Variants in TBC1D2B observed in about 807,000 individuals in gnomAD.
TBC1D2B encodes the protein TBC1 domain family, member 2B.
In TBC1D2B, 64 loss-of-function variants were observed where a neutral mutation model predicts 100.8. That is an observed-to-expected ratio of 0.64 (90% CI 0.52 to 0.78). The LOEUF (loss-of-function observed/expected upper bound fraction) is 0.78. TBC1D2B is among the 30% of genes least tolerant of loss of function. TBC1D2B has a pLI of 0.00. For missense variants in TBC1D2B, 1,052 were observed against 1,218.4 expected (o/e 0.86, Z 2.03); for synonymous variants, 480 against 479.7 (o/e 1.00, Z -0.01).
In TBC1D2B at chr15:77,995,397, G is replaced by A. The variant is rs184116428; in HGVS notation, c.*2763C>T. On this transcript the variant is annotated 3_prime_UTR_variant, in exon 13 of 13. Coordinates refer to ENST00000300584, the MANE Select transcript of TBC1D2B (RefSeq NM_144572.2). ...GCGGCTACTGTACAGCTGTCAGCAT[G>A]ACTACAGGCAGCGCCCGAGGCTATC... The A allele has an allele frequency of 2.6e-5, 4 of 152,508 alleles. No individual in the cohort carries two copies. Among genetic ancestry groups the A allele is most frequent in the Admixed American group, 1.3e-4 (2 of 15,308 alleles). 9.4% of individuals were successfully genotyped at this position (152,508 alleles called of 1,614,324 possible). A position where few individuals can be genotyped will look rare whatever the true frequency, so the allele number is the denominator to read the frequency against.
At position 78,014,846 on chromosome 15, in the gene TBC1D2B, A is replaced by G. The variant is rs374964390; in HGVS notation, c.1776-1529T>C. 2.6e-5 allele frequency among the ~76,000 whole-genome samples: 4 copies of G among 152,364 alleles called. No homozygotes were observed. In the East Asian group the frequency reaches 5.8e-4, roughly 22 times the overall value. ...AGTATGTAAAAAGGTATCATCAGTC[A>G]GAAATACACACTGAAGTATTTTACA... is the stretch of plus-strand genomic sequence containing the variant. On this transcript the variant is annotated intron_variant, in intron 8 of 12. Transcript: ENST00000300584.
chr15:78,033,901 A>G (rs992085164), intron 3 of TBC1D2B, among the ~76,000 whole-genome samples: 2 of 152,270 alleles, frequency 1.3e-5, no homozygotes, highest in African/African-American at 4.8e-5. Flanking sequence ...GAGAAATTAT[A>G]TAACACGCTT....
At chr15:78,001,483 G>A in intron 12 of TBC1D2B, 136 bp downstream of exon 12, 1 of 1,105,374 alleles carries the variant, frequency 9.0e-7, no homozygotes, top group Non-Finnish European at 1.2e-6. Flanking sequence ...TCTTTTCCCT[G>A]GAAAGCAATG....
At chr15:78,076,272 T>C (rs2073827608) in intron 1 of TBC1D2B, among the ~76,000 whole-genome samples, 1 of 152,074 alleles carries the variant, frequency 6.6e-6, no homozygotes, top group Admixed American at 6.5e-5. Context: ...TAAGGGAGCC[T>C]CAAAGGAGCA....
At chr15:78,055,974 C>T (rs559928706) in intron 1 of TBC1D2B, among the ~76,000 whole-genome samples, 9 of 152,270 alleles carry the variant, frequency 5.9e-5, no homozygotes, top group African/African-American at 2.2e-4. Context: ...CAGCAAAGGA[C>T]AAGGTACTCA....
rs1259472074 is a variant in TBC1D2B at position 77,998,128 on chromosome 15, TGAAG to T, written c.*28_*31del. Reference sequence around the variant, plus strand: ...TCACCCTTTGGGCACACTTTGGTTGTGAAGGAAGGAAGAGCAGCATCCCGAGCCC... The same window carrying T: ...TCACCCTTTGGGCACACTTTGGTTGTGAAGGAAGAGCAGCATCCCGAGCCC... On this transcript the variant is annotated 3_prime_UTR_variant, in exon 13 of 13. Coordinates refer to ENST00000300584, the MANE Select transcript of TBC1D2B (RefSeq NM_144572.2). 4.7e-6 allele frequency: 7 copies of T among 1,481,142 alleles called. No homozygotes were observed. The highest frequency in any genetic ancestry group is 5.4e-6 in the Non-Finnish European group (6 of 1,110,388). 91.7% of individuals were successfully genotyped at this position (1,481,142 alleles called of 1,614,324 possible). A position where few individuals can be genotyped will look rare whatever the true frequency, so the allele number is the denominator to read the frequency against.
chr15:78,024,117 C>T, intron 6 of TBC1D2B, 39 bp downstream of exon 6: 1 of 1,567,614 alleles, frequency 6.4e-7, no homozygotes, highest in Non-Finnish European at 8.6e-7. Flanking sequence ...CATCGGTGGT[C>T]TCTCATGCCA....
rs762817054 is a variant in TBC1D2B at position 78,013,122 on chromosome 15, G to A, written c.1971C>T (p.Asn657=). The change falls in exon 9 of 13, where the codon AAC becomes AAT. Residue 657 remains asparagine, a synonymous_variant. Transcript: ENST00000300584. The stretch of plus-strand genomic sequence containing the variant: ...CGTGGGGAATGCCCGCACGGATGAG[G>A]TTTTTTAACTCTGGAGAGCACATCA... ...REMMCSPELK[N]LIRAGIPHEH... The A allele has an allele frequency of 2.5e-6, 4 of 1,613,986 alleles. No homozygotes were observed. Among genetic ancestry groups the A allele is most frequent in the Non-Finnish European group, 2.5e-6 (3 of 1,179,880 alleles).
chr15:78,003,270 G>A (rs1215433400), intron 11 of TBC1D2B, 35 bp downstream of exon 11: 1 of 1,594,740 alleles, frequency 6.3e-7, no homozygotes, highest in East Asian at 2.2e-5. Context: ...TGTCAAGTGT[G>A]TATATCTGAA....
At chr15:78,003,651 T>G (rs548971409) in intron 10 of TBC1D2B, 161 bp from the exon 11 acceptor site, 1 of 590,896 alleles carries the variant, frequency 1.7e-6, no homozygotes, top group African/African-American at 1.9e-5. Context: ...CAGACTACTA[T>G]GTTCCAGCAG....
chr15:78,036,746 G>A (rs984709567), intron 3 of TBC1D2B, among the ~76,000 whole-genome samples: 1 of 152,206 alleles, frequency 6.6e-6, no homozygotes, highest in East Asian at 1.9e-4. Flanking sequence ...AGCCACCAGT[G>A]TTATGGTCAC....
chr15:78,075,635 T>TG (rs1012263614), intron 1 of TBC1D2B, among the ~76,000 whole-genome samples: 1 of 152,196 alleles, frequency 6.6e-6, no homozygotes, highest in African/African-American at 2.4e-5. Context: ...CCTCTGCCTT[T>TG]GGCAAAGGTC....
At chr15:78,067,522 A>G (rs892744444) in intron 1 of TBC1D2B, among the ~76,000 whole-genome samples, 2 of 152,234 alleles carry the variant, frequency 1.3e-5, no homozygotes, top group Non-Finnish European at 1.5e-5. Context: ...CTGCCTAGAA[A>G]TAATTCCTAT....
At chr15:78,074,940 G>GA (rs2073805129) in intron 1 of TBC1D2B, among the ~76,000 whole-genome samples, 1 of 152,126 alleles carries the variant, frequency 6.6e-6, no homozygotes, top group Non-Finnish European at 1.5e-5. Flanking sequence ...ATGCCATGTA[G>GA]TGCCTACTAT....
chr15:78,077,162 AG>A lies in TBC1D2B; in HGVS notation c.360+130del, dbSNP rs1446204588. ...GAACGAGGGCGGGATGTGGAGAAGC[AG>A]GGAAAGGCAGGCCGACGTGGGCAGG... On this transcript the variant is annotated intron_variant, in intron 1 of 12. Transcript: ENST00000300584. 5 of 1,223,372 alleles carry A rather than the reference AG, an allele frequency of 4.1e-6. No homozygotes were observed. In the East Asian group the frequency reaches 1.6e-4, roughly 38 times the overall value. The allele number at this position is 1,223,372 out of a possible 1,614,324, so 75.8% of individuals were successfully genotyped here.
At chr15:78,068,389 A>ACACC (rs2073694511) in intron 1 of TBC1D2B, among the ~76,000 whole-genome samples, 1 of 145,990 alleles carries the variant, frequency 6.8e-6, no homozygotes, top group Non-Finnish European at 1.5e-5. Flanking sequence ...ACACCCACAC[A>ACACC]CACACACACA....
At chr15:78,033,848 A>G (rs756606241) in intron 3 of TBC1D2B, among the ~76,000 whole-genome samples, 93 of 152,322 alleles carry the variant, frequency 6.1e-4, no homozygotes, top group Non-Finnish European at 1.1e-3. Context: ...AAAGCATATC[A>G]TTTTTCCTTT....
chr15:78,044,559 C>CA (rs1338178723), intron 3 of TBC1D2B, among the ~76,000 whole-genome samples: 2 of 152,222 alleles, frequency 1.3e-5, no homozygotes, highest in African/African-American at 4.8e-5. Context: ...GCCCTAGGCA[C>CA]AAGAAGCCCC....
chr15:78,010,728 G>A (rs1460981324), intron 9 of TBC1D2B, among the ~76,000 whole-genome samples: 1 of 152,134 alleles, frequency 6.6e-6, no homozygotes, highest in Non-Finnish European at 1.5e-5. Context: ...CAGATGACAG[G>A]TCTGAATCAC....
Sources: allele counts gnomAD v4.1 joint callset (sites outside exome capture counted in the v4.1 genomes callset), GRCh38; gene constraint gnomAD v4.1.1; transcripts MANE v1.5; gene names NCBI Gene and HGNC (gene_info 2026-07-23, HGNC 2026-07-21).